The following GREB1L variants were observed in gnomAD, a reference collection of about 807,000 sequenced individuals.
The protein encoded by GREB1L is GREB1 like retinoic acid receptor coactivator.
In GREB1L, 17 loss-of-function variants were observed where a neutral mutation model predicts 200.8. The observed-to-expected ratio is 0.08, with a 90% confidence interval of 0.06 to 0.13. The LOEUF (loss-of-function observed/expected upper bound fraction) is 0.13, where lower values mean the gene tolerates loss of function less well. GREB1L is among the 10% of genes least tolerant of loss of function. The probability of loss-of-function intolerance (pLI) is 1.00; values close to 1 mark genes in which losing one functional copy is unlikely to be tolerated. For synonymous variants in GREB1L, 789 were observed against 893.0 expected (o/e 0.88, Z 2.08); for missense variants, 1,657 against 2,367.7 (o/e 0.70, Z 6.23).
chr18:21,278,116 A>G (rs2038200048), intron 1 of GREB1L, among the ~76,000 whole-genome samples: 1 of 152,178 alleles, frequency 6.6e-6, no homozygotes, highest in East Asian at 1.9e-4. Flanking sequence ...ACAGTGGCTT[A>G]TGCCTGTAGT....
At chr18:21,325,419 A>C (rs1353240003) in intron 1 of GREB1L, among the ~76,000 whole-genome samples, 1 of 152,200 alleles carries the variant, frequency 6.6e-6, no homozygotes, top group African/African-American at 2.4e-5. Flanking sequence ...AACTGAATGA[A>C]ATAATGGCCA....
intron 16 of GREB1L, 97 bp downstream of exon 16, chr18:21,473,308 A>C (rs2035555235): frequency 1.1e-6 from 1 of 922,564 alleles, no homozygotes. Context: ...GGTGGCTCAC[A>C]CCTGTAATCC....
intron 1 of GREB1L, among the ~76,000 whole-genome samples, chr18:21,276,399 C>T (rs888473744): frequency 6.2e-4 from 95 of 152,172 alleles, no homozygotes; most frequent in African/African-American, 2.2e-3. Context: ...TCATTCCCAC[C>T]CGTTCTACAT....
chr18:21,517,134 A>G (rs967625448), intron 30 of GREB1L, among the ~76,000 whole-genome samples: 2 of 152,142 alleles, frequency 1.3e-5, no homozygotes, highest in Admixed American at 6.5e-5. Flanking sequence ...TTGGCCTCCC[A>G]AAGTGCTGGG....
At chr18:21,272,823 C>T (rs2038099739) in intron 1 of GREB1L, among the ~76,000 whole-genome samples, 1 of 152,046 alleles carries the variant, frequency 6.6e-6, no homozygotes, top group South Asian at 2.1e-4. Flanking sequence ...GAATTAATGT[C>T]CAAATAGATA....
chr18:21,367,789 T>C (rs763714702), intron 2 of GREB1L, among the ~76,000 whole-genome samples: 2 of 152,076 alleles, frequency 1.3e-5, no homozygotes, highest in Non-Finnish European at 2.9e-5. Flanking sequence ...GAGTCAAGAA[T>C]AGAGAATAAG....
At chr18:21,395,660 A>T (rs2041025231) in intron 5 of GREB1L, 99 bp downstream of exon 5, 3 of 821,088 alleles carry the variant, frequency 3.7e-6, no homozygotes, top group Non-Finnish European at 5.6e-6. Flanking sequence ...ATACCAGAGG[A>T]TTATTTGGGG....
At chr18:21,354,684 A>G (rs1181164726) in intron 1 of GREB1L, among the ~76,000 whole-genome samples, 2 of 152,232 alleles carry the variant, frequency 1.3e-5, no homozygotes, top group Non-Finnish European at 2.9e-5. Context: ...GATGGCTTCC[A>G]TTAGGAGCCA....
At chr18:21,466,200 A>G (rs1262853041) in intron 15 of GREB1L, among the ~76,000 whole-genome samples, 1 of 152,124 alleles carries the variant, frequency 6.6e-6, no homozygotes, top group African/African-American at 2.4e-5. Context: ...CAATTCTACT[A>G]CTGATGTACA....
chr18:21,279,130 T>C (rs1446644302), intron 1 of GREB1L, among the ~76,000 whole-genome samples: 1 of 152,128 alleles, frequency 6.6e-6, no homozygotes, highest in African/African-American at 2.4e-5. Context: ...CCCTTCCTTG[T>C]TTAAAGAAAA....
At chr18:21,430,273 C>CT (rs1007170825) in intron 7 of GREB1L, among the ~76,000 whole-genome samples, 68 of 148,202 alleles carry the variant, frequency 4.6e-4, no homozygotes, top group African/African-American at 1.2e-3. Context: ...GTTTATAATG[C>CT]TTTTTTTTTT....
intron 7 of GREB1L, among the ~76,000 whole-genome samples, chr18:21,409,512 C>G (rs2030702101): frequency 6.6e-6 from 1 of 152,122 alleles, no homozygotes; most frequent in Admixed American, 6.5e-5. Context: ...TTGAAATGGG[C>G]AAATTTTATA....
At chr18:21,521,445 C>T (rs2146133014) in intron 32 of GREB1L, among the ~76,000 whole-genome samples, 1 of 151,786 alleles carries the variant, frequency 6.6e-6, no homozygotes, top group Non-Finnish European at 1.5e-5. Context: ...TATAAAATGA[C>T]CTTTGAGATC....
chr18:21,350,283 G>A (rs1026603760), intron 1 of GREB1L, among the ~76,000 whole-genome samples: 1 of 149,792 alleles, frequency 6.7e-6, no homozygotes, highest in Non-Finnish European at 1.5e-5. Flanking sequence ...TGTTGCCCAG[G>A]CCGGAGTGCA....
At chr18:21,336,461 A>G (rs970198924) in intron 1 of GREB1L, among the ~76,000 whole-genome samples, 7 of 152,188 alleles carry the variant, frequency 4.6e-5, no homozygotes, top group Admixed American at 3.3e-4. Context: ...GCATTATTAT[A>G]TAGCAATAAG....
At chr18:21,430,990 TTTATTTTA>T (rs2033105732) in intron 7 of GREB1L, among the ~76,000 whole-genome samples, 1 of 121,472 alleles carries the variant, frequency 8.2e-6, no homozygotes. Context: ...TTAATTTTCA[TTTATTTTA>T]TTTATTTATT....
chr18:21,285,955 G>A (rs1163592554), intron 1 of GREB1L, among the ~76,000 whole-genome samples: 6 of 152,216 alleles, frequency 3.9e-5, no homozygotes, highest in African/African-American at 1.4e-4. Flanking sequence ...GAGCAGGGTA[G>A]TATGTTAGAG....
chr18:21,439,602 T>C lies in GREB1L; in HGVS notation c.914T>C (p.Leu305Ser), dbSNP rs1386772242. ...CCAGCCCACACAGGGAATTACTCTT[T>C]GTCACCACGACCTAGCTATGCATCA... The part of the protein sequence containing the change: ...STPAHTGNYS[L>S]SPRPSYASGD... Residue 305 changes from leucine (L) to serine (S), a missense_variant, in exon 8 of 33, where the codon TTG (leucine) becomes TCG (serine). Around this residue, in one of 9 missense-constraint regions of GREB1L, gnomAD observed 289 missense variants for 345.1 expected, o/e 0.84. Coordinates refer to ENST00000424526, the MANE Select transcript of GREB1L (RefSeq NM_001142966.3). 1 of 1,551,682 alleles carries C rather than the reference T, an allele frequency of 6.4e-7. No homozygotes were observed. The highest frequency in any genetic ancestry group is 1.4e-5 in the African/African-American group (1 of 73,034).
chr18:21,439,035 A>G (rs570130130), intron 7 of GREB1L, among the ~76,000 whole-genome samples: 1 of 152,048 alleles, frequency 6.6e-6, no homozygotes, highest in East Asian at 1.9e-4. Context: ...TACAAAAATG[A>G]TATGGGTTTG....
Sources: gnomAD v4.1 joint callset for allele counts (sites outside exome capture counted in the v4.1 genomes callset) on GRCh38, gnomAD v4.1.1 for gene constraint, gnomAD v4.1.1 regional missense constraint, MANE v1.5 for transcripts, NCBI Gene and HGNC (gene_info 2026-07-23, HGNC 2026-07-21) for gene names.